Variants in TGS1 observed in about 807,000 individuals in gnomAD.
TGS1 encodes the protein trimethylguanosine synthase.
A neutral mutation model predicts 92.2 loss-of-function variants in TGS1; 69 were observed. That is an observed-to-expected ratio of 0.75 (90% CI 0.62 to 0.91). The LOEUF is 0.91. Among genes scored for constraint, TGS1 ranks in the 40% least tolerant of loss-of-function variants. The probability of loss-of-function intolerance (pLI) is 0.00; values close to 1 mark genes in which losing one functional copy is unlikely to be tolerated. For synonymous variants in TGS1, 345 were observed against 338.1 expected, an observed-to-expected ratio of 1.02 and a Z score of -0.22; for missense variants, 1,062 against 1,001.2, an observed-to-expected ratio of 1.06 and a Z score of -0.82.
At chr8:55,806,385 GA>G (rs34109669) in intron 10 of TGS1, among the ~76,000 whole-genome samples, 20,781 of 120,870 alleles carry the variant, frequency 0.17, 1,787 homozygotes, top group African/African-American at 0.28. Flanking sequence ...AAAGACAAAA[GA>G]AAAAAAAAAA....
chr8:55,798,818 C>A, intron 7 of TGS1, 96 bp from the exon 8 acceptor site: 1 of 1,002,174 alleles, frequency 1.0e-6, no homozygotes, highest in Non-Finnish European at 1.4e-6. Flanking sequence ...ATAATTTTGA[C>A]ACAGCTTTTC....
chr8:55,802,540 G>A lies in TGS1; in HGVS notation c.1933G>A (p.Ala645Thr). 6.2e-7 allele frequency: 1 copy of A among 1,614,126 alleles called. No individual in the cohort carries two copies. Among genetic ancestry groups the A allele is most frequent in the Non-Finnish European group, 8.5e-7 (1 of 1,179,992 alleles). The change falls in exon 9 of 13, where the codon GCA becomes ACA. Residue 645 changes from alanine to threonine, a missense_variant. Transcript: ENST00000260129. Reference sequence around the variant, plus strand: ...TGAAATAGCTGCTGTTCCTGAGCTGGCAAAATACTGGGCCCAGAGGTACAG... The same window carrying A: ...TGAAATAGCTGCTGTTCCTGAGCTGACAAAATACTGGGCCCAGAGGTACAG... The part of the protein sequence containing the change: ...PPEIAAVPEL[A>T]KYWAQRYRLF...
chr8:55,794,141 G>A (rs1811971772), intron 6 of TGS1, among the ~76,000 whole-genome samples: 1 of 152,194 alleles, frequency 6.6e-6, no homozygotes, highest in African/African-American at 2.4e-5. Context: ...GCCCTAGAAG[G>A]TCCCTCCAGA....
intron 9 of TGS1, among the ~76,000 whole-genome samples, chr8:55,804,537 G>T (rs1040407054): frequency 1.3e-5 from 2 of 152,204 alleles, no homozygotes; most frequent in Admixed American, 6.5e-5. Flanking sequence ...AGCGGAGTGT[G>T]GGGGAGCTAG....
chr8:55,788,068 A>G, intron 4 of TGS1, among the ~76,000 whole-genome samples: 1 of 152,234 alleles, frequency 6.6e-6, no homozygotes, highest in East Asian at 1.9e-4. Context: ...TTTAGAGGGG[A>G]CAAACATCCA....
intron 1 of TGS1, among the ~76,000 whole-genome samples, chr8:55,774,397 T>G (rs1327666703): frequency 6.6e-6 from 1 of 152,194 alleles, no homozygotes; most frequent in Non-Finnish European, 1.5e-5. Flanking sequence ...TTTGTTAGAG[T>G]TAAATCCTTG....
At chr8:55,813,172 C>A in intron 12 of TGS1, 54 bp downstream of exon 12, 3 of 1,260,910 alleles carry the variant, frequency 2.4e-6, no homozygotes, top group Non-Finnish European at 3.5e-6. Context: ...GTTACAAGTA[C>A]GGTAAAAGAT....
In TGS1 at chr8:55,813,036, C is replaced by G; in HGVS notation, c.2361-4C>G. 1 of 1,597,802 alleles carries G rather than the reference C, an allele frequency of 6.3e-7. No homozygotes were observed. Among genetic ancestry groups the G allele is most frequent in the Non-Finnish European group, 8.6e-7 (1 of 1,166,596 alleles). On this transcript the variant is annotated splice_polypyrimidine_tract_variant and splice_region_variant and intron_variant, in intron 11 of 12. Coordinates refer to ENST00000260129, the MANE Select transcript of TGS1 (RefSeq NM_024831.8). ...TTCATTATTTTTCCTTAACTGCTGTCCACCTTTGAAATTTTCAGACTTTCT... is the reference window on the plus strand; with the variant it reads ...TTCATTATTTTTCCTTAACTGCTGTGCACCTTTGAAATTTTCAGACTTTCT...
At chr8:55,815,397 C>T (rs1803448626) in intron 12 of TGS1, among the ~76,000 whole-genome samples, 2 of 151,808 alleles carry the variant, frequency 1.3e-5, no homozygotes, top group African/African-American at 2.4e-5. Context: ...AAAATGTATC[C>T]GTATGTAGGA....
At position 55,779,451 on chromosome 8, in the gene TGS1, A is replaced by G. The variant is rs992430450; in HGVS notation, c.102-3297A>G. Among the ~76,000 whole-genome samples, 4 of 152,200 alleles carry G rather than the reference A, an allele frequency of 2.6e-5. No homozygotes were observed. In the South Asian group the frequency reaches 8.3e-4, roughly 31 times the overall value. ...CCTCTTTCTCAGGACCTGACCTGTT[A>G]AGCTGGGCCCATCCTCCAGAAGGCT... is the stretch of plus-strand genomic sequence containing the variant. On this transcript the variant is annotated intron_variant, in intron 1 of 12. Transcript: ENST00000260129.
At chr8:55,787,909 A>G (rs181293278) in intron 4 of TGS1, among the ~76,000 whole-genome samples, 6 of 152,248 alleles carry the variant, frequency 3.9e-5, no homozygotes, top group Admixed American at 1.3e-4. Flanking sequence ...GAGAGGGGGG[A>G]GGTCCCAGGC....
chr8:55,774,747 T>C (rs1396971943), intron 1 of TGS1, among the ~76,000 whole-genome samples: 1 of 152,212 alleles, frequency 6.6e-6, no homozygotes, highest in African/African-American at 2.4e-5. Context: ...TGGTTGATTA[T>C]AGTTATAAGT....
At chr8:55,794,741 T>C (rs1401736525) in intron 6 of TGS1, among the ~76,000 whole-genome samples, 3 of 152,258 alleles carry the variant, frequency 2.0e-5, no homozygotes, top group African/African-American at 7.2e-5. Context: ...AGAGATTTTA[T>C]CGTACATGAC....
At chr8:55,801,776 A>T (rs904017638) in intron 8 of TGS1, among the ~76,000 whole-genome samples, 2 of 151,216 alleles carry the variant, frequency 1.3e-5, no homozygotes, top group African/African-American at 4.9e-5. Flanking sequence ...TTTAGTAGAG[A>T]TGGGATTTCA....
chr8:55,816,143 C>T (rs1269499875), intron 12 of TGS1, among the ~76,000 whole-genome samples: 1 of 152,034 alleles, frequency 6.6e-6, no homozygotes. Context: ...CTGCTTGATG[C>T]CTGTATCTTG....
chr8:55,805,186 CA>C, intron 10 of TGS1, 150 bp downstream of exon 10: 1 of 559,768 alleles, frequency 1.8e-6, no homozygotes, highest in Non-Finnish European at 2.8e-6. Context: ...ATATATTAAG[CA>C]TATACTTTGT....
chr8:55,775,202 C>T (rs1811356408), intron 1 of TGS1, among the ~76,000 whole-genome samples: 1 of 149,894 alleles, frequency 6.7e-6, no homozygotes, highest in Non-Finnish European at 1.5e-5. Flanking sequence ...TGCAGTTAGC[C>T]ATTGTCGTGC....
At chr8:55,787,700 T>C (rs1811758300) in intron 4 of TGS1, among the ~76,000 whole-genome samples, 1 of 152,258 alleles carries the variant, frequency 6.6e-6, no homozygotes, top group Non-Finnish European at 1.5e-5. Context: ...TGAGAATGTT[T>C]ACTTTGCATT....
chr8:55,773,738 C>A lies in TGS1; in HGVS notation c.101+19C>A. 1 of 1,581,536 alleles carries A rather than the reference C, an allele frequency of 6.3e-7. No individual in the cohort carries two copies. Among genetic ancestry groups the A allele is most frequent in the Non-Finnish European group, 8.7e-7 (1 of 1,154,912 alleles). Reference sequence around the variant, plus strand: ...TTGTGGAGTAAGTAGAAAAGAGAATCTCTTCATGTTCTAGCACAGTCATTA... The same window carrying A: ...TTGTGGAGTAAGTAGAAAAGAGAATATCTTCATGTTCTAGCACAGTCATTA... On this transcript the variant is annotated intron_variant, in intron 1 of 12. Coordinates refer to ENST00000260129, the MANE Select transcript of TGS1 (RefSeq NM_024831.8).
Sources: gnomAD v4.1 joint callset for allele counts (sites outside exome capture counted in the v4.1 genomes callset) on GRCh38, gnomAD v4.1.1 for gene constraint, MANE v1.5 for transcripts, NCBI Gene and HGNC (gene_info 2026-07-23, HGNC 2026-07-21) for gene names.